The following TNS3 variants were observed in gnomAD, a reference collection of about 807,000 sequenced individuals.
TNS3 encodes the protein tensin-3.
In TNS3, 45 loss-of-function variants were observed where a neutral mutation model predicts 140.9. The ratio of observed to expected loss-of-function variants is 0.32; its 90% CI spans 0.25 to 0.41. The LOEUF is 0.41. TNS3 is among the 10% of genes least tolerant of loss of function. The pLI, the probability that TNS3 is intolerant of heterozygous loss-of-function variation, is 1.00. For missense variants in TNS3, 1,716 were observed against 1,906.7 expected (o/e 0.90, Z 1.86); for synonymous variants, 815 against 788.4 (o/e 1.03, Z -0.56).
At chr7:47,317,628 G>A (rs1787487643) in intron 20 of TNS3, among the ~76,000 whole-genome samples, 1 of 152,196 alleles carries the variant, frequency 6.6e-6, no homozygotes, top group Non-Finnish European at 1.5e-5. Context: ...ACCTACAAGG[G>A]ATGAGAGTTG....
At chr7:47,385,357 C>T (rs576647942) in intron 16 of TNS3, among the ~76,000 whole-genome samples, 5 of 152,220 alleles carry the variant, frequency 3.3e-5, no homozygotes, top group African/African-American at 7.2e-5. Flanking sequence ...TTGTGCAGCT[C>T]GTGAGCAGCA....
At position 47,389,084 on chromosome 7, in the gene TNS3, GAGGAA is replaced by G. The variant is rs1792314285; in HGVS notation, c.1024+7711_1024+7715del. ...AGAAGAAGAAGAAGAAGAAGAAGAAGAGGAAGAGGAAGAGGAAGCGGAAGCAGAAG... is the reference window on the plus strand; with the variant it reads ...AGAAGAAGAAGAAGAAGAAGAAGAAGGAGGAAGAGGAAGCGGAAGCAGAAG... On this transcript the variant is annotated intron_variant, in intron 16 of 30. Coordinates refer to ENST00000311160, the MANE Select transcript of TNS3 (RefSeq NM_022748.12). 2.7e-5 allele frequency among the ~76,000 whole-genome samples: 2 copies of G among 73,246 alleles called. 1 individual carries two copies. Among genetic ancestry groups the G allele is most frequent in the African/African-American group, 1.5e-4 (2 of 13,780 alleles). 48.1% of individuals were successfully genotyped at this position (73,246 alleles called of 152,430 possible).
chr7:47,367,446 A>T (rs1584494155), intron 17 of TNS3, among the ~76,000 whole-genome samples: 1 of 152,206 alleles, frequency 6.6e-6, no homozygotes, highest in African/African-American at 2.4e-5. Context: ...GCTTGAAGAT[A>T]GTGCTGCTGT....
At chr7:47,465,516 C>T (rs1352800236) in intron 4 of TNS3, among the ~76,000 whole-genome samples, 2 of 152,186 alleles carry the variant, frequency 1.3e-5, no homozygotes, top group African/African-American at 4.8e-5. Context: ...TTTCCAGTCA[C>T]CAACTTGTCC....
chr7:47,504,765 G>A (rs1057012655), intron 3 of TNS3, among the ~76,000 whole-genome samples: 4 of 152,136 alleles, frequency 2.6e-5, no homozygotes, highest in Admixed American at 6.5e-5. Context: ...CCCCAACAAC[G>A]ACGGCATTAT....
At chr7:47,435,428 C>G in intron 7 of TNS3, 24 bp from the exon 8 acceptor site, 1 of 1,611,344 alleles carries the variant, frequency 6.2e-7, no homozygotes, top group East Asian at 2.2e-5. Flanking sequence ...GGGGAGCTTC[C>G]TCGGTTTCCA....
chr7:47,323,569 C>T (rs1787869294), intron 20 of TNS3, among the ~76,000 whole-genome samples: 1 of 152,152 alleles, frequency 6.6e-6, no homozygotes, highest in Non-Finnish European at 1.5e-5. Context: ...TATAACAGTC[C>T]ATTCTTCTCA....
At chr7:47,339,496 G>A (rs1046121025) in intron 20 of TNS3, among the ~76,000 whole-genome samples, 1 of 152,076 alleles carries the variant, frequency 6.6e-6, no homozygotes, top group East Asian at 1.9e-4. Flanking sequence ...AATCAGCTGG[G>A]CATATCTGTG....
intron 2 of TNS3, among the ~76,000 whole-genome samples, chr7:47,527,484 T>C (rs937606528): frequency 3.9e-5 from 6 of 152,062 alleles, no homozygotes; most frequent in Non-Finnish European, 7.4e-5. Flanking sequence ...ACCTTACACC[T>C]GCAGGCCCCA....
At chr7:47,284,844 C>T (rs979311716) in intron 27 of TNS3, among the ~76,000 whole-genome samples, 2 of 152,230 alleles carry the variant, frequency 1.3e-5, no homozygotes, top group South Asian at 4.1e-4. Context: ...TCTCAGCACT[C>T]GGATGCACGG....
chr7:47,449,853 G>T (rs960735519), intron 4 of TNS3, among the ~76,000 whole-genome samples: 1 of 152,168 alleles, frequency 6.6e-6, no homozygotes, highest in Non-Finnish European at 1.5e-5. Context: ...TGATATGCCC[G>T]CCTCGGCCTC....
intron 20 of TNS3, among the ~76,000 whole-genome samples, chr7:47,329,329 G>C (rs1169950738): frequency 6.6e-6 from 1 of 152,154 alleles, no homozygotes; most frequent in African/African-American, 2.4e-5. Context: ...GGAAGAGCAG[G>C]TCCCCGTTCC....
At chr7:47,476,654 CCT>C (rs1797205196) in intron 4 of TNS3, among the ~76,000 whole-genome samples, 1 of 152,180 alleles carries the variant, frequency 6.6e-6, no homozygotes, top group Non-Finnish European at 1.5e-5. Flanking sequence ...GGTGCATGCC[CCT>C]GATGCCTTAG....
chr7:47,479,589 C>T (rs1000193266), intron 4 of TNS3, among the ~76,000 whole-genome samples: 2 of 152,086 alleles, frequency 1.3e-5, no homozygotes, highest in Non-Finnish European at 2.9e-5. Flanking sequence ...GGCAGGCGCC[C>T]GCCCCGGACG....
chr7:47,439,357 G>A (rs1338639562), intron 6 of TNS3, 130 bp downstream of exon 6: 9 of 1,022,224 alleles, frequency 8.8e-6, no homozygotes, highest in African/African-American at 1.6e-5. Flanking sequence ...AAGGCGCCAC[G>A]GACAGCTGTG....
intron 1 of TNS3, among the ~76,000 whole-genome samples, chr7:47,547,358 G>A (rs74559210): frequency 0.027 from 4,085 of 152,278 alleles, 205 homozygotes; most frequent in African/African-American, 0.093. Context: ...GGGACGTGAA[G>A]GAGTAACCAG....
intron 2 of TNS3, among the ~76,000 whole-genome samples, chr7:47,523,016 G>A (rs1799046298): frequency 6.6e-6 from 1 of 152,006 alleles, no homozygotes; most frequent in African/African-American, 2.4e-5. Flanking sequence ...TTGGGCTACT[G>A]TTTAAAAATT....
intron 27 of TNS3, among the ~76,000 whole-genome samples, 154 bp downstream of exon 27, chr7:47,291,801 C>A (rs962447890): frequency 6.6e-6 from 1 of 152,028 alleles, no homozygotes; most frequent in African/African-American, 2.4e-5. Context: ...CTGCACCCCA[C>A]CCAGCTCTGT....
chr7:47,443,943 A>T (rs974471448), intron 4 of TNS3, among the ~76,000 whole-genome samples: 3 of 152,212 alleles, frequency 2.0e-5, no homozygotes, highest in African/African-American at 4.8e-5. Flanking sequence ...AACAAAAAAA[A>T]AGTATTTAGA....
Sources: allele counts gnomAD v4.1 joint callset (sites outside exome capture counted in the v4.1 genomes callset), GRCh38; gene constraint gnomAD v4.1.1; transcripts MANE v1.5; gene names NCBI Gene and HGNC (gene_info 2026-07-23, HGNC 2026-07-21).